The following PCDHGA6 variants were observed in gnomAD, a reference collection of about 807,000 sequenced individuals.
PCDHGA6 encodes protocadherin gamma-A6.
PCDHGA6 carries 41 observed loss-of-function variants against 60.6 expected under a neutral mutation model. That is an observed-to-expected ratio of 0.68 (90% CI 0.53 to 0.88). The LOEUF (loss-of-function observed/expected upper bound fraction) is 0.88, where lower values mean the gene tolerates loss of function less well. PCDHGA6 is among the 40% of genes least tolerant of loss of function. The pLI is 0.00. For synonymous variants in PCDHGA6, 594 were observed against 524.4 expected, an observed-to-expected ratio of 1.13 and a Z score of -1.81; for missense variants, 1,312 against 1,203.0, an observed-to-expected ratio of 1.09 and a Z score of -1.34.
intron 1 of PCDHGA6, 143 bp from the exon 2 acceptor site, chr5:141,494,664 A>T: frequency 6.7e-7 from 1 of 1,500,298 alleles, no homozygotes; most frequent in Non-Finnish European, 8.9e-7. Flanking sequence ...GTCTTTGGAG[A>T]TGAGTCCACC....
intron 1 of PCDHGA6, chr5:141,475,984 G>T: frequency 1.9e-6 from 2 of 1,069,308 alleles, no homozygotes; most frequent in South Asian, 3.1e-5. Context: ...AACAGCCGGC[G>T]AGCAAATCAA....
At chr5:141,421,535 G>GT (rs975619932) in intron 1 of PCDHGA6, 8 of 1,614,032 alleles carry the variant, frequency 5.0e-6, no homozygotes, top group Non-Finnish European at 6.8e-6. Flanking sequence ...GTGTCCTCCT[G>GT]TTTTTTAAAT....
At chr5:141,497,568 C>G (rs1012946741) in intron 2 of PCDHGA6, among the ~76,000 whole-genome samples, 2 of 140,602 alleles carry the variant, frequency 1.4e-5, no homozygotes, top group African/African-American at 5.4e-5. Flanking sequence ...TAGACAGAGT[C>G]TTGCTCTGTT....
intron 1 of PCDHGA6, chr5:141,398,152 G>T: frequency 5.3e-6 from 8 of 1,498,488 alleles, no homozygotes; most frequent in Non-Finnish European, 7.1e-6. Context: ...CGGGGAGCTG[G>T]GCCGGGCTGA....
intron 1 of PCDHGA6, chr5:141,423,619 T>A (rs1389600826): frequency 1.2e-6 from 2 of 1,608,208 alleles, no homozygotes; most frequent in Non-Finnish European, 1.7e-6. Context: ...AGCTGAAGAC[T>A]CAGCTATCAT....
chr5:141,435,194 C>G (rs538114313), intron 1 of PCDHGA6, among the ~76,000 whole-genome samples: 85 of 152,214 alleles, frequency 5.6e-4, no homozygotes, highest in Middle Eastern at 6.8e-3. Flanking sequence ...AGATGGCTAG[C>G]AAATTCATAA....
chr5:141,422,077 A>C (rs2096622436), intron 1 of PCDHGA6: 1 of 1,612,340 alleles, frequency 6.2e-7, no homozygotes, highest in Admixed American at 1.7e-5. Flanking sequence ...TTCATTTCGG[A>C]ACATGGAAAG....
chr5:141,409,155 A>T, intron 1 of PCDHGA6: 1 of 1,614,036 alleles, frequency 6.2e-7, no homozygotes, highest in Non-Finnish European at 8.5e-7. Context: ...TACACCATGG[A>T]AGTGGAAGCG....
intron 1 of PCDHGA6, chr5:141,427,685 C>T: frequency 1.2e-6 from 1 of 852,116 alleles, no homozygotes; most frequent in Non-Finnish European, 1.9e-6. Context: ...TTCCCGGAGC[C>T]TCCATCCCAC....
At chr5:141,414,446 T>C in intron 1 of PCDHGA6, 1 of 1,613,864 alleles carries the variant, frequency 6.2e-7, no homozygotes, top group Non-Finnish European at 8.5e-7. Flanking sequence ...TCTTACAATA[T>C]CACAGTGACA....
At chr5:141,413,316 T>G (rs769316460) in intron 1 of PCDHGA6, 1 of 1,613,976 alleles carries the variant, frequency 6.2e-7, no homozygotes, top group South Asian at 1.1e-5. Context: ...AGAAAGGCTC[T>G]TTCGTGGGCA....
chr5:141,469,756 A>G (rs2099210350), intron 1 of PCDHGA6, among the ~76,000 whole-genome samples: 1 of 152,252 alleles, frequency 6.6e-6, no homozygotes. Context: ...ACAAAAATAC[A>G]TATATACCAG....
At chr5:141,467,167 C>T (rs2099138606) in intron 1 of PCDHGA6, among the ~76,000 whole-genome samples, 1 of 151,832 alleles carries the variant, frequency 6.6e-6, no homozygotes, top group Non-Finnish European at 1.5e-5. Context: ...ATTCTCATCT[C>T]TCAGCCTCCC....
intron 1 of PCDHGA6, among the ~76,000 whole-genome samples, chr5:141,439,161 C>T (rs1384707803): frequency 6.6e-6 from 1 of 150,850 alleles, no homozygotes; most frequent in Non-Finnish European, 1.5e-5. Flanking sequence ...CCACTGCACT[C>T]CAGCCTGGGC....
intron 1 of PCDHGA6, among the ~76,000 whole-genome samples, chr5:141,488,497 C>CA (rs1415483796): frequency 4.6e-5 from 7 of 152,204 alleles, no homozygotes; most frequent in African/African-American, 1.7e-4. Flanking sequence ...CTGTAACACT[C>CA]ATTCCACATT....
intron 1 of PCDHGA6, chr5:141,408,201 C>A: frequency 6.5e-7 from 1 of 1,549,032 alleles, no homozygotes; most frequent in Non-Finnish European, 8.7e-7. Context: ...CCCGAGCGAA[C>A]GATGGGAGGG....
At chr5:141,433,662 C>T (rs1377052782) in intron 1 of PCDHGA6, among the ~76,000 whole-genome samples, 1 of 151,950 alleles carries the variant, frequency 6.6e-6, no homozygotes, top group Non-Finnish European at 1.5e-5. Context: ...ATGGAGAAAC[C>T]CCGTCTATAC....
In PCDHGA6 at chr5:141,491,927, G is replaced by A. The variant is rs1314503730; in HGVS notation, c.2425-2880G>A. 3 of 1,309,982 alleles carry A rather than the reference G, an allele frequency of 2.3e-6. No individual in the cohort carries two copies. In the African/African-American group the frequency reaches 4.5e-5, roughly 20 times the overall value. 81.1% of individuals were successfully genotyped at this position (1,309,982 alleles called of 1,614,324 possible). A position where few individuals can be genotyped will look rare whatever the true frequency, so the allele number is the denominator to read the frequency against. On this transcript the variant is annotated intron_variant, in intron 1 of 3. Coordinates refer to ENST00000517434, the MANE Select transcript of PCDHGA6 (RefSeq NM_018919.3). The surrounding 1 kb of genome is among the most constrained non-coding windows in gnomAD (Gnocchi z 6.9). ...GTGGTGGCGACTGTGGGCGAGGGGAGGTGGGACCGACCCCCACCCCTACAC... is the reference window on the plus strand; with the variant it reads ...GTGGTGGCGACTGTGGGCGAGGGGAAGTGGGACCGACCCCCACCCCTACAC...
intron 1 of PCDHGA6, chr5:141,419,910 C>A (rs539905795): frequency 1.9e-6 from 3 of 1,613,968 alleles, no homozygotes; most frequent in Non-Finnish European, 2.5e-6. Flanking sequence ...CCCTCTGACT[C>A]CCAGGCTGAG....
Sources: allele counts gnomAD v4.1 joint callset (sites outside exome capture counted in the v4.1 genomes callset), GRCh38; gene constraint gnomAD v4.1.1; non-coding constraint Gnocchi (gnomAD v3.1); transcripts MANE v1.5; gene names NCBI Gene and HGNC (gene_info 2026-07-23, HGNC 2026-07-21).